The following STXBP5L variants were observed in gnomAD, a reference collection of about 807,000 sequenced individuals.
STXBP5L encodes the protein syntaxin-binding protein 5-like.
In STXBP5L, 65 loss-of-function variants were observed where a neutral mutation model predicts 144.5. That is an observed-to-expected ratio of 0.45 (90% CI 0.37 to 0.55). The LOEUF is 0.55. Ranked by LOEUF, STXBP5L falls within the 20% of genes least tolerant of loss-of-function variation. STXBP5L has a pLI of 0.00. For missense variants in STXBP5L, 1,298 were observed against 1,405.5 expected (o/e 0.92, Z 1.22); for synonymous variants, 505 against 469.6 (o/e 1.08, Z -0.97).
intron 20 of STXBP5L, among the ~76,000 whole-genome samples, chr3:121,329,173 A>T (rs1049337403): frequency 2.6e-5 from 4 of 152,262 alleles, no homozygotes; most frequent in African/African-American, 9.6e-5. Flanking sequence ...AGTACTTCTT[A>T]TGTACCTTCT....
intron 5 of STXBP5L, among the ~76,000 whole-genome samples, chr3:121,092,289 G>T (rs78552675): frequency 0.47 from 71,413 of 150,824 alleles, 17,556 homozygotes; most frequent in African/African-American, 0.56. Flanking sequence ...TTAAAGTAGT[G>T]TTTTCCAATT....
intron 9 of STXBP5L, among the ~76,000 whole-genome samples, chr3:121,187,778 T>C (rs1032723040): frequency 6.6e-6 from 1 of 151,952 alleles, no homozygotes; most frequent in Non-Finnish European, 1.5e-5. Flanking sequence ...CCCATTGGTG[T>C]TCAGTATTCA....
intron 20 of STXBP5L, among the ~76,000 whole-genome samples, chr3:121,333,546 G>C (rs2044398689): frequency 1.4e-5 from 2 of 145,002 alleles, no homozygotes; most frequent in South Asian, 4.3e-4. Flanking sequence ...AGGAGATTGG[G>C]ACACACACAC....
intron 5 of STXBP5L, among the ~76,000 whole-genome samples, chr3:121,066,993 A>C (rs1335802445): frequency 1.3e-5 from 2 of 152,060 alleles, no homozygotes; most frequent in Non-Finnish European, 2.9e-5. Flanking sequence ...CAAATTTATT[A>C]GCCTTAATGG....
chr3:121,017,695 A>G (rs1945238158), intron 3 of STXBP5L, among the ~76,000 whole-genome samples: 1 of 152,224 alleles, frequency 6.6e-6, no homozygotes, highest in Admixed American at 6.5e-5. Flanking sequence ...AATAACTGAA[A>G]TACTTATATA....
intron 9 of STXBP5L, among the ~76,000 whole-genome samples, chr3:121,194,262 T>C (rs2047830999): frequency 6.6e-6 from 1 of 152,216 alleles, no homozygotes; most frequent in South Asian, 2.1e-4. Flanking sequence ...GTTATAGTCA[T>C]TTCAAAGCAA....
chr3:121,023,079 A>T (rs1945677701), intron 3 of STXBP5L, among the ~76,000 whole-genome samples: 1 of 152,192 alleles, frequency 6.6e-6, no homozygotes, highest in Non-Finnish European at 1.5e-5. Flanking sequence ...AATGCACACA[A>T]ATCAGTAGCT....
At position 121,233,771 on chromosome 3, in the gene STXBP5L, A is replaced by G. The variant is rs180767418; in HGVS notation, c.1184+83A>G. The G allele has an allele frequency of 1.0e-4, 111 of 1,066,696 alleles. No homozygotes were observed. In the African/African-American group the frequency reaches 1.4e-3, roughly 14 times the overall value. 66.1% of individuals were successfully genotyped at this position (1,066,696 alleles called of 1,614,324 possible). On this transcript the variant is annotated intron_variant, in intron 12 of 26. Transcript: ENST00000471454. ...CATTTGTATTCTTTTGATAGGAAGT[A>G]TTCTTTGTGTGAATATTGGTTTGCT...
chr3:121,308,079 G>A (rs2043400710), intron 19 of STXBP5L, among the ~76,000 whole-genome samples: 1 of 152,126 alleles, frequency 6.6e-6, no homozygotes, highest in Admixed American at 6.6e-5. Flanking sequence ...TATATCCAGA[G>A]GGGAACAACA....
chr3:121,152,146 A>T (rs1333224123), intron 7 of STXBP5L, among the ~76,000 whole-genome samples: 1 of 151,978 alleles, frequency 6.6e-6, no homozygotes, highest in Non-Finnish European at 1.5e-5. Flanking sequence ...TAGTTCATTA[A>T]TCTTATCCCA....
At chr3:121,219,830 T>C (rs972835644) in intron 10 of STXBP5L, among the ~76,000 whole-genome samples, 34 of 152,136 alleles carry the variant, frequency 2.2e-4, no homozygotes, top group African/African-American at 7.7e-4. Context: ...AAAGAATGCA[T>C]GTAAAATTCT....
intron 14 of STXBP5L, among the ~76,000 whole-genome samples, chr3:121,249,542 T>C (rs2049966050): frequency 6.6e-6 from 1 of 152,196 alleles, no homozygotes; most frequent in Non-Finnish European, 1.5e-5. Flanking sequence ...ATATTGATAT[T>C]GTGTGTTACA....
intron 5 of STXBP5L, among the ~76,000 whole-genome samples, chr3:121,100,333 TG>T (rs1164199476): frequency 6.6e-6 from 1 of 152,156 alleles, no homozygotes; most frequent in African/African-American, 2.4e-5. Flanking sequence ...ACTCCAAACT[TG>T]ACCACATCCT....
chr3:121,381,652 A>G (rs1427531863), intron 22 of STXBP5L, 120 bp downstream of exon 22: 4 of 1,298,604 alleles, frequency 3.1e-6, no homozygotes. Flanking sequence ...GCACAATGGG[A>G]ACTATTAAGA....
At chr3:120,924,684 C>A (rs1246449189) in intron 2 of STXBP5L, 1 of 151,942 alleles carries the variant, frequency 6.6e-6, no homozygotes, top group African/African-American at 2.4e-5. Context: ...TTACAGTCTA[C>A]CTCGTCTTTA....
At chr3:121,148,844 G>A (rs2045823273) in intron 7 of STXBP5L, among the ~76,000 whole-genome samples, 1 of 152,012 alleles carries the variant, frequency 6.6e-6, no homozygotes, top group African/African-American at 2.4e-5. Context: ...TACATCAACT[G>A]TAAAATGAAT....
Position 121,079,533 on chromosome 3 carries a change from A to G in STXBP5L, c.470+33998A>G, listed in dbSNP as rs187600708. 2.6e-3 allele frequency among the ~76,000 whole-genome samples: 389 copies of G among 152,346 alleles called. 4 individuals carry two copies. Among genetic ancestry groups the G allele is most frequent in the African/African-American group, 8.7e-3 (363 of 41,584 alleles). ...ACTTTAAGAGGATTTTAAAATTTCTATTACTGCTACTATTAAGTTATAGTT... is the reference window on the plus strand; with the variant it reads ...ACTTTAAGAGGATTTTAAAATTTCTGTTACTGCTACTATTAAGTTATAGTT... On this transcript the variant is annotated intron_variant, in intron 5 of 26. Transcript: ENST00000471454.
intron 20 of STXBP5L, among the ~76,000 whole-genome samples, chr3:121,327,822 C>T (rs1048286779): frequency 3.3e-5 from 5 of 152,090 alleles, no homozygotes; most frequent in South Asian, 2.1e-4. Context: ...CTAACAAGTC[C>T]GTGGGCATAA....
intron 7 of STXBP5L, among the ~76,000 whole-genome samples, chr3:121,139,374 T>C (rs2107932368): frequency 6.6e-6 from 1 of 152,110 alleles, no homozygotes; most frequent in Non-Finnish European, 1.5e-5. Context: ...ATATGTCAAC[T>C]AAAAAGAAAA....
Sources: gnomAD v4.1 joint callset for allele counts (sites outside exome capture counted in the v4.1 genomes callset) on GRCh38, gnomAD v4.1.1 for gene constraint, MANE v1.5 for transcripts, NCBI Gene and HGNC (gene_info 2026-07-23, HGNC 2026-07-21) for gene names.